VPS8: variants seen among roughly 807,000 people sequenced by gnomAD.
VPS8 encodes the protein VPS8 subunit of CORVET complex.
VPS8 carries 129 observed loss-of-function variants against 216.4 expected under a neutral mutation model. That is an observed-to-expected ratio of 0.60 (90% CI 0.52 to 0.69). VPS8 has a LOEUF of 0.69. Among genes scored for constraint, VPS8 ranks in the 30% least tolerant of loss-of-function variants. VPS8 has a pLI of 0.00. For missense variants in VPS8, 1,531 were observed against 1,683.5 expected, an observed-to-expected ratio of 0.91 and a Z score of 1.59; for synonymous variants, 571 against 565.4, an observed-to-expected ratio of 1.01 and a Z score of -0.14.
chr3:184,950,244 T>TTTA (rs1412761706), intron 36 of VPS8, among the ~76,000 whole-genome samples: 8 of 141,470 alleles, frequency 5.7e-5, no homozygotes, highest in Non-Finnish European at 1.1e-4. Flanking sequence ...TTTTTTTTTT[T>TTTA]ACTCTAGCTT....
At chr3:184,851,599 AC>A (rs1202691266) in intron 10 of VPS8, among the ~76,000 whole-genome samples, 4 of 152,154 alleles carry the variant, frequency 2.6e-5, no homozygotes, top group African/African-American at 9.7e-5. Flanking sequence ...ACTCCAGCGG[AC>A]CATGTCATGC....
chr3:184,881,389 G>A lies in VPS8; in HGVS notation c.1735-4721G>A, dbSNP rs181633358. ...TAGATACCTAATTGCAGCATTATTT[G>A]TTGAAAAGGCAATACTTTCCTTCTT... On this transcript the variant is annotated intron_variant, in intron 21 of 47. Transcript: ENST00000625842. Among the ~76,000 whole-genome samples, 45 of 152,206 alleles carry A rather than the reference G, an allele frequency of 3.0e-4. 1 individual carries two copies. The East Asian group carries it at 8.5e-3, about 29-fold the overall frequency.
At chr3:184,855,621 A>G (rs1229115862) in intron 13 of VPS8, 90 bp from the exon 14 acceptor site, 1 of 1,043,178 alleles carries the variant, frequency 9.6e-7, no homozygotes, top group Non-Finnish European at 1.5e-6. Flanking sequence ...ATCAAGGAAC[A>G]CTAGTCAGAT....
At chr3:184,917,885 G>A (rs6767448) in intron 28 of VPS8, among the ~76,000 whole-genome samples, 5,065 of 152,234 alleles carry the variant, frequency 0.033, 293 homozygotes, top group African/African-American at 0.12. Flanking sequence ...ATTTCTCACA[G>A]TTCTAGAGTC....
intron 25 of VPS8, among the ~76,000 whole-genome samples, chr3:184,909,894 A>G (rs767620808): frequency 6.6e-6 from 1 of 151,970 alleles, no homozygotes; most frequent in Non-Finnish European, 1.5e-5. Context: ...TTGCTCTATC[A>G]GGTATTTTTC....
intron 45 of VPS8, among the ~76,000 whole-genome samples, chr3:185,009,412 A>G (rs1030278581): frequency 3.9e-5 from 6 of 152,202 alleles, no homozygotes; most frequent in African/African-American, 9.7e-5. Flanking sequence ...TTAAAAATAC[A>G]TATGCATTTA....
At chr3:184,921,465 A>G (rs1738590398) in intron 29 of VPS8, among the ~76,000 whole-genome samples, 2 of 152,240 alleles carry the variant, frequency 1.3e-5, no homozygotes, top group South Asian at 4.1e-4. Context: ...GTGTAATACA[A>G]TTCTGCTTAC....
chr3:184,912,653 T>C (rs1452464492), intron 25 of VPS8, among the ~76,000 whole-genome samples: 12 of 152,206 alleles, frequency 7.9e-5, no homozygotes, highest in African/African-American at 2.7e-4. Context: ...TACGAGTTGA[T>C]GTGAATCAAA....
Position 184,900,978 on chromosome 3 carries a change from T to C in VPS8, c.2146+6T>C, listed in dbSNP as rs199728319. 1,332 of 1,603,386 alleles carry C rather than the reference T, an allele frequency of 8.3e-4. No individual in the cohort carries two copies. Among genetic ancestry groups the C allele is most frequent in the Middle Eastern group, 2.8e-3 (17 of 6,014 alleles). ...TGCAGGAAAAACACTAACAGGTATT[T>C]ATTTTCTAAGCCTTAATTTTTTGCT... On this transcript the variant is annotated splice_donor_region_variant and intron_variant, in intron 25 of 47. Transcript: ENST00000625842.
intron 37 of VPS8, among the ~76,000 whole-genome samples, chr3:184,959,543 C>T (rs1746146362): frequency 6.6e-6 from 1 of 151,964 alleles, no homozygotes; most frequent in Non-Finnish European, 1.5e-5. Flanking sequence ...ACCACCACCC[C>T]AGAAAAAAAA....
At chr3:184,967,047 A>G (rs1747539242) in intron 39 of VPS8, among the ~76,000 whole-genome samples, 1 of 151,764 alleles carries the variant, frequency 6.6e-6, no homozygotes, top group African/African-American at 2.4e-5. Flanking sequence ...GCTCACTGCA[A>G]CCTCCATCTT....
chr3:185,008,349 T>C (rs1039619373), intron 45 of VPS8, among the ~76,000 whole-genome samples: 3 of 152,202 alleles, frequency 2.0e-5, no homozygotes, highest in African/African-American at 2.4e-5. Context: ...TATACCTGCA[T>C]TGAGCCAAAC....
chr3:185,035,652 A>G (rs1422878186), intron 46 of VPS8, among the ~76,000 whole-genome samples: 1 of 152,206 alleles, frequency 6.6e-6, no homozygotes, highest in Admixed American at 6.5e-5. Flanking sequence ...AGCTAACATC[A>G]TACTGAACAG....
At chr3:185,020,004 TCTTA>T (rs1756417341) in intron 45 of VPS8, among the ~76,000 whole-genome samples, 2 of 152,240 alleles carry the variant, frequency 1.3e-5, no homozygotes, top group Non-Finnish European at 1.5e-5. Context: ...TTGTGGCCCA[TCTTA>T]CTTACCTGAA....
chr3:184,894,919 T>C lies in VPS8; in HGVS notation c.1998T>C (p.Ile666=), dbSNP rs1407500070. The change falls in exon 23 of 48, where the codon ATT becomes ATC. Residue 666 remains isoleucine (I), a synonymous_variant. Coordinates refer to ENST00000625842, the MANE Select transcript of VPS8 (RefSeq NM_001009921.3). ...ATATGGATATCACCAGCCTAGATAT[T>C]CAGCAGGTGAGTTTATAGACAGTCT... ...IVHMDITSLD[I]QQVVLMCWEN... 4 of 1,601,822 alleles carry C rather than the reference T, an allele frequency of 2.5e-6. No individual in the cohort carries two copies. The East Asian group carries it at 6.7e-5, about 27-fold the overall frequency.
intron 13 of VPS8, among the ~76,000 whole-genome samples, chr3:184,854,614 G>A (rs1021621527): frequency 3.3e-5 from 5 of 152,146 alleles, no homozygotes; most frequent in African/African-American, 1.2e-4. Flanking sequence ...TTGAGTCCAA[G>A]CCCTGATTTT....
intron 28 of VPS8, 90 bp from the exon 29 acceptor site, chr3:184,920,037 C>A: frequency 1.1e-6 from 1 of 937,560 alleles, no homozygotes; most frequent in Non-Finnish European, 1.6e-6. Flanking sequence ...TGAGAAATTA[C>A]TTGGATTTTA....
chr3:184,971,538 A>G (rs1202718841), intron 39 of VPS8, 111 bp from the exon 40 acceptor site: 3 of 646,030 alleles, frequency 4.6e-6, no homozygotes, highest in South Asian at 4.0e-5. Context: ...TAATTATTAT[A>G]TACTAGAAAA....
chr3:185,026,640 A>T (rs1335335412), intron 46 of VPS8, among the ~76,000 whole-genome samples: 4 of 146,904 alleles, frequency 2.7e-5, no homozygotes, highest in Non-Finnish European at 6.0e-5. Flanking sequence ...CGAACTCCTG[A>T]CCTCATGATC....
Sources: gnomAD v4.1 joint callset for allele counts (sites outside exome capture counted in the v4.1 genomes callset) on GRCh38, gnomAD v4.1.1 for gene constraint, MANE v1.5 for transcripts, NCBI Gene and HGNC (gene_info 2026-07-23, HGNC 2026-07-21) for gene names.